ANK3: variants seen among roughly 807,000 people sequenced by gnomAD.
The protein encoded by ANK3 is ankyrin 3.
In ANK3, 57 loss-of-function variants were observed where a neutral mutation model predicts 370.9. The ratio of observed to expected loss-of-function variants is 0.15; its 90% CI spans 0.12 to 0.19. The LOEUF is 0.19. Among genes scored for constraint, ANK3 ranks in the 10% least tolerant of loss-of-function variants. The probability of loss-of-function intolerance (pLI) is 1.00; values close to 1 mark genes in which losing one functional copy is unlikely to be tolerated. For synonymous variants in ANK3, 1,929 were observed against 1,946.3 expected (o/e 0.99, Z 0.23); for missense variants, 4,439 against 5,302.1 (o/e 0.84, Z 5.06).
rs777123123 is a variant in ANK3, at chr10:60,026,534, T to C, written c.*3312A>G. 2 of 152,264 alleles carry C rather than the reference T, an allele frequency of 1.3e-5. No homozygotes were observed. Among genetic ancestry groups the C allele is most frequent in the Non-Finnish European group, 2.9e-5 (2 of 68,052 alleles). The allele number at this position is 152,264 out of a possible 1,614,324, so 9.4% of individuals were successfully genotyped here. A position where few individuals can be genotyped will look rare whatever the true frequency, so the allele number is the denominator to read the frequency against. On this transcript the variant is annotated 3_prime_UTR_variant, in exon 44 of 44. Transcript: ENST00000280772. ...GTGATTTATTTCTGGGCTTCTCACA[T>C]ATCCCTGTCATACAGCCAAACGTGA... is the stretch of plus-strand genomic sequence containing the variant.
At chr10:60,514,098 C>G (rs1225327178) in intron 2 of ANK3, among the ~76,000 whole-genome samples, 1 of 152,090 alleles carries the variant, frequency 6.6e-6, no homozygotes, top group Non-Finnish European at 1.5e-5. Flanking sequence ...TTTTCTTAAC[C>G]TTTTCTGTAG....
intron 1 of ANK3, among the ~76,000 whole-genome samples, chr10:60,316,822 A>C (rs1158833275): frequency 6.6e-6 from 1 of 150,900 alleles, no homozygotes; most frequent in Non-Finnish European, 1.5e-5. Context: ...ATCTCGGCTC[A>C]CTGCAAGCTC....
intron 32 of ANK3, chr10:60,083,943 T>C (rs1332596686): frequency 5.4e-6 from 1 of 185,014 alleles, no homozygotes; most frequent in Non-Finnish European, 1.1e-5. Context: ...TTTTTTGCAC[T>C]GTTAGATACT....
intron 2 of ANK3, among the ~76,000 whole-genome samples, chr10:60,551,548 C>A (rs765912148): frequency 8.5e-5 from 13 of 152,058 alleles, no homozygotes; most frequent in Admixed American, 2.0e-4. Flanking sequence ...TATTTCTGAG[C>A]TTTGAATTTT....
intron 2 of ANK3, among the ~76,000 whole-genome samples, chr10:60,482,613 A>G (rs926050422): frequency 6.6e-6 from 1 of 152,026 alleles, no homozygotes; most frequent in Non-Finnish European, 1.5e-5. Context: ...CATTCTCTCT[A>G]GTAGCTGGGA....
intron 2 of ANK3, among the ~76,000 whole-genome samples, chr10:60,506,612 A>C (rs1777317315): frequency 6.6e-6 from 1 of 152,130 alleles, no homozygotes; most frequent in Admixed American, 6.6e-5. Flanking sequence ...AATCAGAATT[A>C]AATACTTGTG....
At chr10:60,278,090 G>T (rs2098115968) in intron 4 of ANK3, among the ~76,000 whole-genome samples, 1 of 152,166 alleles carries the variant, frequency 6.6e-6, no homozygotes. Context: ...GTTCCTCTTA[G>T]AAATTCAATG....
In ANK3 at chr10:60,027,300, T is replaced by TG. The variant is rs2072452421; in HGVS notation, c.*2545_*2546insC. ...ATTTTGGGAAAGTTTTTTTTTTTTT[T>TG]TTTTTTTAAAAAAAAAACCTCTCAA... On this transcript the variant is annotated 3_prime_UTR_variant, in exon 44 of 44. Transcript: ENST00000280772. The TG allele has an allele frequency of 6.7e-6, 1 of 149,502 alleles. No homozygotes were observed. Among genetic ancestry groups the TG allele is most frequent in the African/African-American group, 2.5e-5 (1 of 40,410 alleles). The allele number at this position is 149,502 out of a possible 1,614,324, so 9.3% of individuals were successfully genotyped here.
At chr10:60,195,894 C>T (rs1428911577) in intron 16 of ANK3, among the ~76,000 whole-genome samples, 1 of 152,186 alleles carries the variant, frequency 6.6e-6, no homozygotes, top group Non-Finnish European at 1.5e-5. Context: ...AAGAGTGTTC[C>T]AGCTCTCCTT....
chr10:60,324,045 C>T (rs1252447641), intron 1 of ANK3, among the ~76,000 whole-genome samples: 1 of 152,060 alleles, frequency 6.6e-6, no homozygotes, highest in East Asian at 1.9e-4. Flanking sequence ...AAACATCTGA[C>T]TATAAAGAGG....
At chr10:60,396,393 T>G (rs2063240250) in intron 2 of ANK3, among the ~76,000 whole-genome samples, 1 of 152,156 alleles carries the variant, frequency 6.6e-6, no homozygotes, top group South Asian at 2.1e-4. Flanking sequence ...AACCAAGAAA[T>G]TCATTTAATA....
chr10:60,568,873 C>T (rs2077524345), intron 2 of ANK3, among the ~76,000 whole-genome samples: 1 of 152,130 alleles, frequency 6.6e-6, no homozygotes, highest in African/African-American at 2.4e-5. Context: ...GATGCCTCTC[C>T]TTCCACAGAT....
chr10:60,110,965 T>C (rs2092667282), intron 26 of ANK3, among the ~76,000 whole-genome samples: 1 of 152,152 alleles, frequency 6.6e-6, no homozygotes, highest in Non-Finnish European at 1.5e-5. Context: ...TCTGATTGGG[T>C]CTGTCTTGTT....
rs568866078 is a variant in ANK3, at chr10:60,567,270, T to C, written c.96+47916A>G. The stretch of plus-strand genomic sequence containing the variant: ...GGCTGACTTTCTTGTTAGGTGCTAA[T>C]GTAGCTAGTGACATTAAGTTGAAGC... On this transcript the variant is annotated intron_variant, in intron 2 of 43. Transcript: ENST00000373827. Among the ~76,000 whole-genome samples, 5 of 152,300 alleles carry C rather than the reference T, an allele frequency of 3.3e-5. No individual in the cohort carries two copies. In the South Asian group the frequency reaches 1.0e-3, roughly 32 times the overall value.
chr10:60,269,043 C>CGGG (rs1319441990), intron 5 of ANK3, among the ~76,000 whole-genome samples: 2 of 152,178 alleles, frequency 1.3e-5, no homozygotes, highest in Non-Finnish European at 2.9e-5. Context: ...CTGTGCTATT[C>CGGG]AGGAAGCACA....
At chr10:60,507,052 G>A (rs185306575) in intron 2 of ANK3, among the ~76,000 whole-genome samples, 68 of 152,096 alleles carry the variant, frequency 4.5e-4, no homozygotes, top group Admixed American at 2.0e-4. Context: ...CAAAGAAATG[G>A]TAGCTGTTTA....
intron 4 of ANK3, among the ~76,000 whole-genome samples, chr10:60,277,190 G>C (rs74413857): frequency 3.7e-4 from 56 of 152,188 alleles, no homozygotes; most frequent in Non-Finnish European, 8.8e-5. Context: ...TAGTAAGCAG[G>C]GGAGGAAGTC....
At position 60,328,151 on chromosome 10, in the gene ANK3, C is replaced by T. The variant is rs185203232; in HGVS notation, c.115-48512G>A. ...TATTTCCAAGATAGGGAACTCAAGT[C>T]GATGCAGTGGTGACTTTTCTGAGAG... On this transcript the variant is annotated intron_variant, in intron 1 of 43. Coordinates refer to ENST00000280772, the MANE Select transcript of ANK3 (RefSeq NM_020987.5). 2.0e-3 allele frequency among the ~76,000 whole-genome samples: 300 copies of T among 152,172 alleles called. 1 individual carries two copies. Among genetic ancestry groups the T allele is most frequent in the Admixed American group, 4.1e-3 (62 of 15,288 alleles).
chr10:60,344,965 C>G (rs2055097718), intron 1 of ANK3, among the ~76,000 whole-genome samples: 1 of 152,168 alleles, frequency 6.6e-6, no homozygotes. Context: ...AACAGAACTT[C>G]TGACATTTGT....
Sources: allele counts gnomAD v4.1 joint callset (sites outside exome capture counted in the v4.1 genomes callset), GRCh38; gene constraint gnomAD v4.1.1; transcripts MANE v1.5; gene names NCBI Gene and HGNC (gene_info 2026-07-23, HGNC 2026-07-21).